Variants in DCLK1 observed in about 807,000 individuals in gnomAD.
The protein encoded by DCLK1 is doublecortin like kinase 1.
Under a neutral mutation model 86.2 loss-of-function variants are expected in DCLK1, and 16 were observed. The ratio of observed to expected loss-of-function variants is 0.19; its 90% CI spans 0.13 to 0.28. DCLK1 has a LOEUF of 0.28. Among genes scored for constraint, DCLK1 ranks in the 10% least tolerant of loss-of-function variants. DCLK1 has a pLI of 1.00. For synonymous variants in DCLK1, 369 were observed against 370.5 expected (o/e 1.00, Z 0.05); for missense variants, 590 against 940.2 (o/e 0.63, Z 4.87).
At chr13:35,835,895 CA>C (rs1298830896) in intron 8 of DCLK1, 137 bp downstream of exon 8, 6 of 622,384 alleles carry the variant, frequency 9.6e-6, no homozygotes, top group African/African-American at 1.9e-5. Context: ...CTTTCTTTTG[CA>C]AAAAATTCTT....
chr13:35,847,082 C>G (rs1207228466), intron 6 of DCLK1: 1 of 983,194 alleles, frequency 1.0e-6, no homozygotes, highest in Non-Finnish European at 1.2e-6. Flanking sequence ...CATACACACA[C>G]AATAGAAAAA....
At position 35,816,654 on chromosome 13, in the gene DCLK1, C is replaced by T. The variant is rs547021659; in HGVS notation, c.1555-5686G>A. ...GTAAAGTAATTTACCCAGTGTTACA[C>T]AGCAAATAAGTGGCAGGGCCAGAAC... On this transcript the variant is annotated intron_variant, in intron 11 of 16. Transcript: ENST00000360631. Among the ~76,000 whole-genome samples, 23 of 152,304 alleles carry T rather than the reference C, an allele frequency of 1.5e-4. No individual in the cohort carries two copies. In the East Asian group the frequency reaches 4.4e-3, roughly 29 times the overall value.
intron 3 of DCLK1, among the ~76,000 whole-genome samples, chr13:36,007,040 C>T (rs1170994): frequency 0.27 from 41,643 of 152,114 alleles, 7,454 homozygotes; most frequent in African/African-American, 0.52. Flanking sequence ...AAATCAAGAT[C>T]TTACCACTTA....
chr13:36,049,375 C>A (rs1883048283), intron 3 of DCLK1, among the ~76,000 whole-genome samples: 1 of 152,198 alleles, frequency 6.6e-6, no homozygotes, highest in African/African-American at 2.4e-5. Flanking sequence ...TCTAACATGT[C>A]TCTTTCAGGA....
chr13:35,996,009 A>G (rs1857298), intron 3 of DCLK1, among the ~76,000 whole-genome samples: 5,389 of 152,012 alleles, frequency 0.035, 226 homozygotes, highest in East Asian at 0.22. Context: ...ATATTATGCA[A>G]TCTCCGCCTC....
chr13:36,039,213 G>A (rs534847023), intron 3 of DCLK1, among the ~76,000 whole-genome samples: 2 of 152,284 alleles, frequency 1.3e-5, no homozygotes, highest in Non-Finnish European at 2.9e-5. Flanking sequence ...CAACTGATAA[G>A]GCTTTAAAAG....
intron 4 of DCLK1, among the ~76,000 whole-genome samples, chr13:35,935,092 GA>G (rs1178675961): frequency 6.6e-6 from 1 of 152,130 alleles, no homozygotes; most frequent in Admixed American, 6.6e-5. Context: ...AGGAGAAGAG[GA>G]AAAAGAGCAT....
At chr13:35,981,229 T>G (rs1879623565) in intron 3 of DCLK1, among the ~76,000 whole-genome samples, 1 of 151,412 alleles carries the variant, frequency 6.6e-6, no homozygotes, top group South Asian at 2.1e-4. Context: ...AGTGTTTTGT[T>G]TTTTTTTTGT....
At chr13:35,826,185 C>T (rs1051821405) in intron 10 of DCLK1, among the ~76,000 whole-genome samples, 8 of 151,850 alleles carry the variant, frequency 5.3e-5, no homozygotes, top group African/African-American at 1.9e-4. Flanking sequence ...CAGCCTCAAA[C>T]ATGACAATAC....
intron 3 of DCLK1, among the ~76,000 whole-genome samples, chr13:36,090,647 G>A (rs1672233829): frequency 1.3e-5 from 2 of 152,146 alleles, no homozygotes; most frequent in African/African-American, 4.8e-5. Flanking sequence ...CAAGGGTCCA[G>A]GCCCACCGTG....
chr13:35,846,786 A>ATTATATAGTAATTAC, intron 6 of DCLK1: 1 of 985,274 alleles, frequency 1.0e-6, no homozygotes, highest in South Asian at 4.7e-5. Flanking sequence ...AAATGTATGC[A>ATTATATAGTAATTAC]TATATAGTAA....
chr13:36,050,635 A>G (rs1271619920), intron 3 of DCLK1, among the ~76,000 whole-genome samples: 2 of 152,178 alleles, frequency 1.3e-5, no homozygotes, highest in African/African-American at 4.8e-5. Context: ...CGTTTTTTAA[A>G]TGTGCTTTCC....
At chr13:35,835,711 T>C (rs1172901578) in intron 8 of DCLK1, among the ~76,000 whole-genome samples, 1 of 152,172 alleles carries the variant, frequency 6.6e-6, no homozygotes, top group Non-Finnish European at 1.5e-5. Flanking sequence ...CTCTACAAAA[T>C]GTCATAAAAA....
chr13:35,947,296 T>G (rs1936004), intron 4 of DCLK1, 62 bp downstream of exon 4: 834,024 of 1,326,658 alleles, frequency 0.63, 271,129 homozygotes, highest in Non-Finnish European at 0.67. Flanking sequence ...CTTGGCCTGG[T>G]GCAGCTCATT....
At chr13:35,808,919 T>G in intron 13 of DCLK1, 99 bp downstream of exon 13, 1 of 997,170 alleles carries the variant, frequency 1.0e-6, no homozygotes, top group South Asian at 2.2e-5. Flanking sequence ...CTTGTGCTCT[T>G]TTCCTGCTGC....
intron 4 of DCLK1, among the ~76,000 whole-genome samples, chr13:35,940,419 A>C (rs1166874181): frequency 6.6e-6 from 1 of 152,156 alleles, no homozygotes; most frequent in Admixed American, 6.5e-5. Context: ...TGACTGCATG[A>C]GTGAAAGAAT....
In DCLK1 at chr13:35,771,718, A is replaced by G. The variant is rs1485898770; in HGVS notation, c.*2817T>C. 5 of 152,286 alleles carry G rather than the reference A, an allele frequency of 3.3e-5. No individual in the cohort carries two copies. The East Asian group carries it at 7.7e-4, about 24-fold the overall frequency. The allele number at this position is 152,286 out of a possible 1,614,324, so 9.4% of individuals were successfully genotyped here. A position where few individuals can be genotyped will look rare whatever the true frequency, so the allele number is the denominator to read the frequency against. The stretch of plus-strand genomic sequence containing the variant: ...CGGTCCCCATCACCAGGCCACCACC[A>G]TAAGAGAGCTATATTAAATACTTGG... On this transcript the variant is annotated 3_prime_UTR_variant, in exon 17 of 17. Transcript: ENST00000360631.
chr13:35,906,092 C>T (rs9593554), intron 4 of DCLK1, among the ~76,000 whole-genome samples: 247 of 152,258 alleles, frequency 1.6e-3, no homozygotes, highest in African/African-American at 5.8e-3. Context: ...CCTCAGCCAC[C>T]CACATTGCTA....
intron 3 of DCLK1, among the ~76,000 whole-genome samples, chr13:36,008,668 A>G (rs368999401): frequency 6.9e-5 from 10 of 144,360 alleles, no homozygotes; most frequent in Non-Finnish European, 1.4e-4. Flanking sequence ...ATTGTGAATA[A>G]TGCCGCAATA....
Sources: gnomAD v4.1 joint callset for allele counts (sites outside exome capture counted in the v4.1 genomes callset) on GRCh38, gnomAD v4.1.1 for gene constraint, MANE v1.5 for transcripts, NCBI Gene and HGNC (gene_info 2026-07-23, HGNC 2026-07-21) for gene names.